PCDHA3: variants seen among roughly 807,000 people sequenced by gnomAD.
PCDHA3 encodes protocadherin alpha 3.
A neutral mutation model predicts 62.2 loss-of-function variants in PCDHA3; 41 were observed. That is an observed-to-expected ratio of 0.66 (90% CI 0.51 to 0.86). The LOEUF (loss-of-function observed/expected upper bound fraction) is 0.86, where lower values mean the gene tolerates loss of function less well. Ranked by LOEUF, PCDHA3 falls within the 40% of genes least tolerant of loss-of-function variation. The probability of loss-of-function intolerance (pLI) is 0.00; values close to 1 mark genes in which losing one functional copy is unlikely to be tolerated. For synonymous variants in PCDHA3, 640 were observed against 555.4 expected (o/e 1.15, Z -2.14); for missense variants, 1,304 against 1,241.2 (o/e 1.05, Z -0.76).
intron 1 of PCDHA3, chr5:140,862,986 T>C (rs897931834): frequency 3.7e-6 from 2 of 546,930 alleles, no homozygotes; most frequent in Non-Finnish European, 3.6e-6. Flanking sequence ...GTGGCGAAGG[T>C]GCGCACGGTG....
chr5:140,863,615 T>A (rs1290782399), intron 1 of PCDHA3: 16 of 339,092 alleles, frequency 4.7e-5, no homozygotes, highest in Non-Finnish European at 8.7e-5. Context: ...ATGTCCCTCA[T>A]AGTGACATTG....
chr5:140,898,905 C>T (rs1313193763), intron 1 of PCDHA3, among the ~76,000 whole-genome samples: 5 of 152,060 alleles, frequency 3.3e-5, no homozygotes, highest in South Asian at 2.1e-4. Context: ...AGGTCCTTCA[C>T]GTCCCTTGTA....
intron 1 of PCDHA3, among the ~76,000 whole-genome samples, chr5:140,827,478 A>T (rs1477917338): frequency 6.6e-6 from 1 of 152,232 alleles, no homozygotes; most frequent in Non-Finnish European, 1.5e-5. Flanking sequence ...TTATTGAACA[A>T]AGAAAGCATG....
intron 1 of PCDHA3, chr5:140,871,365 G>A: frequency 6.2e-7 from 1 of 1,614,218 alleles, no homozygotes; most frequent in Non-Finnish European, 8.5e-7. Context: ...AGCAGAGGCG[G>A]CAGAGGGTGT....
intron 1 of PCDHA3, chr5:140,828,229 C>T (rs2150152666): frequency 1.2e-6 from 2 of 1,613,968 alleles, no homozygotes; most frequent in Non-Finnish European, 1.7e-6. Flanking sequence ...CCTTCGTGGG[C>T]CGGATCGCGC....
intron 3 of PCDHA3, among the ~76,000 whole-genome samples, chr5:140,994,127 A>T (rs536865883): frequency 6.6e-6 from 1 of 152,348 alleles, no homozygotes; most frequent in South Asian, 2.1e-4. Flanking sequence ...GATAAGGGCG[A>T]CAATAATGCC....
intron 1 of PCDHA3, among the ~76,000 whole-genome samples, chr5:140,902,482 C>T (rs1554190466): frequency 1.3e-5 from 2 of 152,086 alleles, no homozygotes; most frequent in Non-Finnish European, 2.9e-5. Context: ...TTTGCCTGCT[C>T]AGTATGATAC....
chr5:140,998,393 C>A (rs1178528705), intron 3 of PCDHA3, among the ~76,000 whole-genome samples: 12 of 152,288 alleles, frequency 7.9e-5, no homozygotes, highest in African/African-American at 2.4e-4. Flanking sequence ...TTAATGCCAT[C>A]TTTATGCCAA....
At chr5:140,981,643 G>A (rs998815671) in intron 2 of PCDHA3, among the ~76,000 whole-genome samples, 3 of 151,992 alleles carry the variant, frequency 2.0e-5, no homozygotes, top group African/African-American at 7.3e-5. Context: ...TTTTCTCTTA[G>A]GATCCCACTT....
intron 1 of PCDHA3, chr5:140,809,789 A>C: frequency 2.1e-6 from 1 of 470,038 alleles, no homozygotes; most frequent in South Asian, 4.2e-5. Context: ...TATTAACAGA[A>C]CTGTAATTTC....
intron 1 of PCDHA3, among the ~76,000 whole-genome samples, chr5:140,839,243 C>T (rs12659980): frequency 0.58 from 88,501 of 151,692 alleles, 26,916 homozygotes; most frequent in African/African-American, 0.73. Context: ...TATTGCTTTG[C>T]TTTTATGCTT....
chr5:140,975,591 G>A (rs1421434713), intron 1 of PCDHA3, among the ~76,000 whole-genome samples: 1 of 152,198 alleles, frequency 6.6e-6, no homozygotes, highest in African/African-American at 2.4e-5. Flanking sequence ...GTCCCAGAGG[G>A]CAATTTGTTG....
At chr5:140,829,438 T>C (rs2150167889) in intron 1 of PCDHA3, 279 of 1,613,934 alleles carry the variant, frequency 1.7e-4, no homozygotes, top group African/African-American at 8.9e-4. Context: ...CCGACATGAA[T>C]GACAATGCTC....
At chr5:140,833,518 C>A (rs1772496743) in intron 1 of PCDHA3, among the ~76,000 whole-genome samples, 2 of 152,126 alleles carry the variant, frequency 1.3e-5, no homozygotes, top group Non-Finnish European at 2.9e-5. Flanking sequence ...GGCATATATT[C>A]ATAACACACA....
chr5:140,992,584 T>G (rs1327367703), intron 3 of PCDHA3, among the ~76,000 whole-genome samples: 1 of 152,194 alleles, frequency 6.6e-6, no homozygotes, highest in Non-Finnish European at 1.5e-5. Context: ...CTGCCTTGTA[T>G]GCATCTAGCG....
chr5:141,000,421 ATTTTT>A (rs34755515), intron 3 of PCDHA3, among the ~76,000 whole-genome samples: 89 of 27,938 alleles, frequency 3.2e-3, no homozygotes, highest in East Asian at 4.2e-3. Flanking sequence ...ATATATATAT[ATTTTT>A]TTTTTTTTTT....
intron 1 of PCDHA3, chr5:140,927,923 CTCT>C: frequency 6.2e-7 from 1 of 1,614,232 alleles, no homozygotes; most frequent in East Asian, 2.2e-5. Context: ...GACTTCCTGA[CTCT>C]TTCGAACCCA....
At chr5:140,852,255 T>A (rs1554145733) in intron 1 of PCDHA3, 1 of 511,528 alleles carries the variant, frequency 2.0e-6, no homozygotes, top group Middle Eastern at 9.9e-4. Context: ...ACTTTTGGAA[T>A]ATGCTACAAT....
At chr5:140,828,094 G>A in intron 1 of PCDHA3, 2 of 1,600,150 alleles carry the variant, frequency 1.2e-6, no homozygotes, top group Non-Finnish European at 1.7e-6. Context: ...TATTTGACAT[G>A]GTGTTTACCC....
Sources: allele counts gnomAD v4.1 joint callset (sites outside exome capture counted in the v4.1 genomes callset), GRCh38; gene constraint gnomAD v4.1.1; transcripts MANE v1.5; gene names NCBI Gene and HGNC (gene_info 2026-07-23, HGNC 2026-07-21).